The following CASZ1 variants were observed in gnomAD, a reference collection of about 807,000 sequenced individuals.
The protein encoded by CASZ1 is castor zinc finger 1, also known as zinc finger protein castor homolog 1.
CASZ1 carries 28 observed loss-of-function variants against 135.2 expected under a neutral mutation model. The ratio of observed to expected loss-of-function variants is 0.21; its 90% CI spans 0.15 to 0.28. CASZ1 has a LOEUF of 0.28. Ranked by LOEUF, CASZ1 falls within the 10% of genes least tolerant of loss-of-function variation. The pLI is 1.00. For missense variants in CASZ1, 2,161 were observed against 2,453.3 expected, an observed-to-expected ratio of 0.88 and a Z score of 2.52; for synonymous variants, 1,068 against 1,073.4, an observed-to-expected ratio of 0.99 and a Z score of 0.10.
At chr1:10,668,638 ACG>A (rs769016266) in intron 4 of CASZ1, among the ~76,000 whole-genome samples, 1 of 152,238 alleles carries the variant, frequency 6.6e-6, no homozygotes, top group Non-Finnish European at 1.5e-5. Context: ...CTCTGGCCCC[ACG>A]GGCTCTGGCG....
intron 4 of CASZ1, among the ~76,000 whole-genome samples, chr1:10,683,381 G>C (rs931235607): frequency 6.6e-6 from 1 of 152,046 alleles, no homozygotes; most frequent in Non-Finnish European, 1.5e-5. Flanking sequence ...ACCCCACCTG[G>C]GACAGCTGCC....
In CASZ1 at chr1:10,711,262, T is replaced by C. The variant is rs1402832130; in HGVS notation, c.-76-5718A>G. On this transcript the variant is annotated intron_variant, in intron 2 of 20. Coordinates refer to ENST00000377022, the MANE Select transcript of CASZ1 (RefSeq NM_001079843.3). This position sits in a 1 kb window ranked among gnomAD's most constrained non-coding sequence, Gnocchi z 4.4. ...CTTAACCTCTCCAGGCCCCAGCTTC[T>C]TCCATTGAAAAGTGGGGGCCCATGA... 2.0e-5 allele frequency among the ~76,000 whole-genome samples: 3 copies of C among 152,342 alleles called. No individual in the cohort carries two copies. The South Asian group carries it at 6.2e-4, about 32-fold the overall frequency.
chr1:10,650,983 G>T lies in CASZ1; in HGVS notation c.2774C>A (p.Ala925Asp), dbSNP rs1329279773. 3.8e-6 allele frequency: 6 copies of T among 1,580,500 alleles called. 1 individual carries two copies. Among genetic ancestry groups the T allele is most frequent in the Middle Eastern group, 3.4e-4 (2 of 5,934 alleles). Residue 925 changes from alanine to aspartate, a missense_variant, in exon 12 of 21, where the codon GCC becomes GAC. Physicochemically the swap from Ala to Asp is moderately radical, Grantham distance 126 (BLOSUM62 -2). Coordinates refer to ENST00000377022, the MANE Select transcript of CASZ1 (RefSeq NM_001079843.3). ...ESTGAPGPHE[A>D]SQDRSLDLTV... ...CAGGTCTAGACTGCGGTCCTGGGAGGCTTCGTGGGGGCCTGGGGCGCCGGT... is the reference window on the plus strand; with the variant it reads ...CAGGTCTAGACTGCGGTCCTGGGAGTCTTCGTGGGGGCCTGGGGCGCCGGT...
chr1:10,654,712 G>A, intron 9 of CASZ1, 121 bp from the exon 10 acceptor site: 1 of 917,390 alleles, frequency 1.1e-6, no homozygotes, highest in Non-Finnish European at 1.7e-6. Context: ...TGGCACCTCT[G>A]ACTTCAAACT....
Position 10,694,443 on chromosome 1 carries a change from AAC to A in CASZ1, c.-23-533_-23-532del. ...TGCTCCTGCCGGTAACACTCAGGGT[AAC>A]AGTTTGGCAGGAGGGAGCGGGCGGG... On this transcript the variant is annotated intron_variant, in intron 3 of 20. Coordinates refer to ENST00000377022, the MANE Select transcript of CASZ1 (RefSeq NM_001079843.3). The surrounding 1 kb of genome is among the most constrained non-coding windows in gnomAD (Gnocchi z 6.6). 1 of 378,708 alleles carries A rather than the reference AAC, an allele frequency of 2.6e-6. No homozygotes were observed. The highest frequency in any genetic ancestry group is 2.2e-5 in the African/African-American group (1 of 45,926). The allele number at this position is 378,708 out of a possible 1,614,324, so 23.5% of individuals were successfully genotyped here. A position where few individuals can be genotyped will look rare whatever the true frequency, so the allele number is the denominator to read the frequency against.
chr1:10,653,853 T>C lies in CASZ1; in HGVS notation c.2204A>G (p.Asn735Ser), dbSNP rs1446263572. ...GGTAGGGGAGGCGCTCAGGCTGGAG[T>C]TCTTGCTGCTCAGGGCGGAGAAGTC... is the stretch of plus-strand genomic sequence containing the variant. ...LVDFSALSSK[N>S]SSLSASPTSQ... Residue 735 changes from asparagine (N) to serine (S), a missense_variant, in exon 11 of 21, where the codon AAC becomes AGC. By Grantham distance (46) the Asn-to-Ser change is conservative (BLOSUM62 1). Transcript: ENST00000377022. 1 of 1,609,926 alleles carries C rather than the reference T, an allele frequency of 6.2e-7. No homozygotes were observed. Among genetic ancestry groups the C allele is most frequent in the East Asian group, 2.2e-5 (1 of 44,780 alleles).
At position 10,697,429 on chromosome 1, in the gene CASZ1, T is replaced by G. The variant is rs920111305; in HGVS notation, c.-23-3517A>C. On this transcript the variant is annotated intron_variant, in intron 3 of 20. Transcript: ENST00000377022. This position sits in a 1 kb window ranked among gnomAD's most constrained non-coding sequence, Gnocchi z 4.7. ...TGCCATAATCTCTTCTGATCTTGAGTCCCTGGGCCCAGAGCCTCTAGCTCC... is the reference window on the plus strand; with the variant it reads ...TGCCATAATCTCTTCTGATCTTGAGGCCCTGGGCCCAGAGCCTCTAGCTCC... Among the ~76,000 whole-genome samples, 2 of 151,940 alleles carry G rather than the reference T, an allele frequency of 1.3e-5. No individual in the cohort carries two copies. The highest frequency in any genetic ancestry group is 2.9e-5 in the Non-Finnish European group (2 of 67,982).
chr1:10,775,376 T>G (rs1271809644), intron 1 of CASZ1, among the ~76,000 whole-genome samples: 1 of 152,096 alleles, frequency 6.6e-6, no homozygotes, highest in Admixed American at 6.5e-5. Flanking sequence ...TTTTTTTCTT[T>G]TAAAAATTCA....
At chr1:10,645,257 G>A (rs1040689012) in intron 17 of CASZ1, among the ~76,000 whole-genome samples, 169 bp from the exon 18 acceptor site, 13 of 152,220 alleles carry the variant, frequency 8.5e-5, no homozygotes, top group African/African-American at 2.7e-4. Flanking sequence ...AGGGCCGGGC[G>A]CGGTGGCTCA....
chr1:10,665,362 C>G lies in CASZ1; in HGVS notation c.226G>C (p.Ala76Pro). 6.2e-7 allele frequency: 1 copy of G among 1,611,334 alleles called. No homozygotes were observed. The highest frequency in any genetic ancestry group is 8.5e-7 in the Non-Finnish European group (1 of 1,178,314). Residue 76 changes from alanine to proline, a missense_variant, in exon 5 of 21, where the codon GCC (alanine) becomes CCC (proline). By Grantham distance (27) the Ala-to-Pro change is conservative. Transcript: ENST00000377022. ...RSGPESGAAR[A>P]PRSEEDKRRA... is the part of the protein sequence containing the mutation. ...CTCTTGTCTTCCTCGCTGCGGGGGGCCCGGGCTGCCCCAGACTCAGGGCCA... is the reference window on the plus strand; with the variant it reads ...CTCTTGTCTTCCTCGCTGCGGGGGGGCCGGGCTGCCCCAGACTCAGGGCCA...
chr1:10,687,716 T>C (rs1386186074), intron 4 of CASZ1, among the ~76,000 whole-genome samples: 1 of 152,142 alleles, frequency 6.6e-6, no homozygotes, highest in Non-Finnish European at 1.5e-5. Flanking sequence ...AGGGCCCAGA[T>C]CACCCTCTGG....
chr1:10,657,291 C>A lies in CASZ1; in HGVS notation c.1410-555G>T, dbSNP rs1642836363. Among the ~76,000 whole-genome samples the A allele has an allele frequency of 1.3e-5, 2 of 152,236 alleles. No homozygotes were observed. Among genetic ancestry groups the A allele is most frequent in the Admixed American group, 6.5e-5 (1 of 15,286 alleles). On this transcript the variant is annotated intron_variant, in intron 7 of 20. Coordinates refer to ENST00000377022, the MANE Select transcript of CASZ1 (RefSeq NM_001079843.3). This position sits in a 1 kb window ranked among gnomAD's most constrained non-coding sequence, Gnocchi z 5.7. ...CACCGCCAGGAACCTGTGCTGCCTC[C>A]CAGGAAACCCGTCCTCCTCCAGGCC...
Position 10,794,030 on chromosome 1 carries a change from G to T in CASZ1, c.-234+2534C>A, listed in dbSNP as rs1216561222. Among the ~76,000 whole-genome samples, 1 of 152,174 alleles carries T rather than the reference G, an allele frequency of 6.6e-6. No homozygotes were observed. Among genetic ancestry groups the T allele is most frequent in the African/African-American group, 2.4e-5 (1 of 41,448 alleles). On this transcript the variant is annotated intron_variant, in intron 1 of 20. Coordinates refer to ENST00000377022, the MANE Select transcript of CASZ1 (RefSeq NM_001079843.3). This position sits in a 1 kb window ranked among gnomAD's most constrained non-coding sequence, Gnocchi z 5.6. ...ACGGCCCAGCGCCCCCTCCGGGCACGTGGAGCGCAGCCCCGGCTCAGCCCC... is the reference window on the plus strand; with the variant it reads ...ACGGCCCAGCGCCCCCTCCGGGCACTTGGAGCGCAGCCCCGGCTCAGCCCC...
chr1:10,660,563 C>A, intron 5 of CASZ1, 27 bp from the exon 6 acceptor site: 1 of 1,590,424 alleles, frequency 6.3e-7, no homozygotes. Context: ...GGGCGCATCA[C>A]CTCTGGGAGG....
At chr1:10,744,764 A>G (rs557909805) in intron 2 of CASZ1, among the ~76,000 whole-genome samples, 102 of 152,264 alleles carry the variant, frequency 6.7e-4, no homozygotes, top group African/African-American at 2.3e-3. Flanking sequence ...TGGGCGGGCA[A>G]GGACTGTATG....
rs1344607306 is a variant in CASZ1, at chr1:10,717,558, C to T, written c.-76-12014G>A. Among the ~76,000 whole-genome samples the T allele has an allele frequency of 6.6e-6, 1 of 152,164 alleles. No individual in the cohort carries two copies. Among genetic ancestry groups the T allele is most frequent in the South Asian group, 2.1e-4 (1 of 4,826 alleles). ...CAGACACCCTGTCCCTCCCTCCTCA[C>T]CAGCCCCTGCCCCCTCCAACCAGTT... On this transcript the variant is annotated intron_variant, in intron 2 of 20. Coordinates refer to ENST00000377022, the MANE Select transcript of CASZ1 (RefSeq NM_001079843.3). The surrounding 1 kb of genome is among the most constrained non-coding windows in gnomAD (Gnocchi z 4.6).
intron 1 of CASZ1, among the ~76,000 whole-genome samples, chr1:10,772,160 G>A (rs546918539): frequency 6.6e-6 from 1 of 152,348 alleles, no homozygotes; most frequent in Non-Finnish European, 1.5e-5. Flanking sequence ...CTGGTTGCCT[G>A]GAGGAAGGAG....
intron 3 of CASZ1, among the ~76,000 whole-genome samples, chr1:10,702,054 G>A (rs2100434451): frequency 1.3e-5 from 2 of 152,316 alleles, no homozygotes; most frequent in Non-Finnish European, 1.5e-5. Context: ...CATTAGATGG[G>A]AAATAGAGAC....
chr1:10,694,202 C>T lies in CASZ1; in HGVS notation c.-23-290G>A. 1 of 384,500 alleles carries T rather than the reference C, an allele frequency of 2.6e-6. No homozygotes were observed. The highest frequency in any genetic ancestry group is 1.1e-4 in the South Asian group (1 of 9,380). 23.8% of individuals were successfully genotyped at this position (384,500 alleles called of 1,614,324 possible). A position where few individuals can be genotyped will look rare whatever the true frequency, so the allele number is the denominator to read the frequency against. On this transcript the variant is annotated intron_variant, in intron 3 of 20. Coordinates refer to ENST00000377022, the MANE Select transcript of CASZ1 (RefSeq NM_001079843.3). The surrounding 1 kb of genome is among the most constrained non-coding windows in gnomAD (Gnocchi z 6.6). ...CCCTGGCCGGGGGATCCGCGAGGCC[C>T]AGGGGCGCCCCCGTCCCGCCGACCG...
Sources: allele counts gnomAD v4.1 joint callset (sites outside exome capture counted in the v4.1 genomes callset), GRCh38; gene constraint gnomAD v4.1.1; non-coding constraint Gnocchi (gnomAD v3.1); transcripts MANE v1.5; gene names NCBI Gene and HGNC (gene_info 2026-07-23, HGNC 2026-07-21).